ABCA9: variants seen among roughly 807,000 people sequenced by gnomAD.
ABCA9 encodes the protein ATP-binding cassette sub-family A member 9.
A neutral mutation model predicts 205.3 loss-of-function variants in ABCA9; 183 were observed. The observed-to-expected ratio is 0.89, with a 90% CI of 0.79 to 1.01. The LOEUF (loss-of-function observed/expected upper bound fraction) is 1.01, where lower values mean the gene tolerates loss of function less well. Among genes scored for constraint, ABCA9 ranks in the 50% least tolerant of loss-of-function variants. ABCA9 has a pLI of 0.00. For missense variants in ABCA9, 1,805 were observed against 1,912.4 expected (o/e 0.94, Z 1.05); for synonymous variants, 651 against 683.3 (o/e 0.95, Z 0.74).
At chr17:69,021,916 A>G in intron 17 of ABCA9, 55 bp from the exon 18 acceptor site, 2 of 1,269,214 alleles carry the variant, frequency 1.6e-6, no homozygotes. Flanking sequence ...TGAGAACCAT[A>G]TTTCTCAAAA....
At chr17:69,011,377 AT>A (rs1256139132) in intron 23 of ABCA9, among the ~76,000 whole-genome samples, 4 of 152,196 alleles carry the variant, frequency 2.6e-5, no homozygotes, top group Non-Finnish European at 2.9e-5. Context: ...TGTGTTTCTT[AT>A]GGGAGAAGTC....
At chr17:69,059,668 C>A (rs1020898673) in intron 1 of ABCA9, among the ~76,000 whole-genome samples, 20 of 106,866 alleles carry the variant, frequency 1.9e-4, no homozygotes, top group Admixed American at 1.3e-3. Flanking sequence ...AGTTTGTGGT[C>A]ATTTTTTTTT....
At chr17:68,980,928 TA>T (rs57616315) in intron 37 of ABCA9, among the ~76,000 whole-genome samples, 9,996 of 126,094 alleles carry the variant, frequency 0.079, 895 homozygotes, top group African/African-American at 0.23. Context: ...ATAAAAAAAC[TA>T]AAAAAAAAAA....
the ABCA9 span, among the ~76,000 whole-genome samples, chr17:69,071,931 G>A: frequency 6.6e-6 from 1 of 152,152 alleles, no homozygotes; most frequent in Non-Finnish European, 1.5e-5. Context: ...AACACAGCAC[G>A]AGAACTTTGT....
intron 19 of ABCA9, among the ~76,000 whole-genome samples, chr17:69,019,640 C>T (rs1174179787): frequency 6.6e-6 from 1 of 152,130 alleles, no homozygotes; most frequent in Non-Finnish European, 1.5e-5. Context: ...ATGTTATAAT[C>T]ACTTAATAAT....
intron 25 of ABCA9, 63 bp downstream of exon 25, chr17:69,007,696 G>A: frequency 9.1e-7 from 1 of 1,098,016 alleles, no homozygotes. Flanking sequence ...TTAGCACAAA[G>A]ATTAAACATG....
chr17:69,061,241 T>A (rs1238228201), upstream of ABCA9: 1 of 767,610 alleles, frequency 1.3e-6, no homozygotes, highest in Non-Finnish European at 1.6e-6. Flanking sequence ...AATGGGAGAG[T>A]TGACCCCAAC....
chr17:69,033,554 G>A (rs967498725), intron 9 of ABCA9, 172 bp downstream of exon 9: 5 of 511,772 alleles, frequency 9.8e-6, no homozygotes, highest in South Asian at 3.2e-5. Context: ...GAGTGTTATA[G>A]CAGAGCCAAG....
intron 25 of ABCA9, among the ~76,000 whole-genome samples, chr17:68,998,851 G>C (rs2069728231): frequency 6.6e-6 from 1 of 151,110 alleles, no homozygotes; most frequent in Non-Finnish European, 1.5e-5. Flanking sequence ...TTGTATTCAA[G>C]ATGTTTTATC....
chr17:68,980,415 C>A (rs893512645), intron 37 of ABCA9, among the ~76,000 whole-genome samples: 1 of 151,930 alleles, frequency 6.6e-6, no homozygotes, highest in African/African-American at 2.4e-5. Flanking sequence ...TACCATTTGA[C>A]CCAGCAATCT....
At chr17:69,037,849 G>C (rs1006041446) in intron 6 of ABCA9, among the ~76,000 whole-genome samples, 1 of 151,222 alleles carries the variant, frequency 6.6e-6, no homozygotes, top group Non-Finnish European at 1.5e-5. Context: ...AAAGAGAGAA[G>C]AATCAAATAG....
Position 68,989,903 on chromosome 17 carries a change from G to A in ABCA9, c.3865C>T (p.Arg1289Trp), listed in dbSNP as rs370277695. The change falls in exon 30 of 39, where the codon CGG becomes TGG. Residue 1289 changes from arginine to tryptophan, a missense_variant. By Grantham distance (101) the Arg-to-Trp change is moderately radical. Coordinates refer to ENST00000340001, the MANE Select transcript of ABCA9 (RefSeq NM_080283.4). ...ETPVIIASCLRKEYAGKKKNC... is the reference protein window; with the variant it reads ...ETPVIIASCLWKEYAGKKKNC... ...TTCTTTTTGCCTGCATATTCCTTCC[G>A]TAGACAGCTGGCAATGATGACGGGT... 48 of 1,610,940 alleles carry A rather than the reference G, an allele frequency of 3.0e-5. No homozygotes were observed. Among genetic ancestry groups the A allele is most frequent in the South Asian group, 1.2e-4 (11 of 90,484 alleles).
At chr17:69,053,278 A>T (rs972655984) in intron 1 of ABCA9, among the ~76,000 whole-genome samples, 1 of 152,148 alleles carries the variant, frequency 6.6e-6, no homozygotes, top group Non-Finnish European at 1.5e-5. Flanking sequence ...ATATCTCATT[A>T]ACACGAAGAT....
chr17:69,035,234 C>A lies in ABCA9; in HGVS notation c.1128+12G>T. The A allele has an allele frequency of 6.5e-7, 1 of 1,533,690 alleles. No homozygotes were observed. The highest frequency in any genetic ancestry group is 8.7e-7 in the Non-Finnish European group (1 of 1,143,634). ...GGTTTGTAAAAAGTGAAAGTGTTAC[C>A]TTAACTCTTACCTGGGCCATCCCAA... On this transcript the variant is annotated intron_variant, in intron 8 of 38. Coordinates refer to ENST00000340001, the MANE Select transcript of ABCA9 (RefSeq NM_080283.4).
intron 31 of ABCA9, chr17:68,986,606 C>CATG: frequency 3.4e-6 from 1 of 294,724 alleles, no homozygotes; most frequent in Non-Finnish European, 6.2e-6. Flanking sequence ...TGGCTTCATT[C>CATG]ATTGATCCAA....
intron 27 of ABCA9, 41 bp downstream of exon 27, chr17:68,992,975 G>A: frequency 6.8e-7 from 1 of 1,477,536 alleles, no homozygotes; most frequent in Admixed American, 1.7e-5. Flanking sequence ...CAAAAGTTGT[G>A]TTCCCTCATG....
intron 1 of ABCA9, among the ~76,000 whole-genome samples, chr17:69,057,046 G>C (rs1299547013): frequency 6.6e-6 from 1 of 152,106 alleles, no homozygotes; most frequent in Non-Finnish European, 1.5e-5. Flanking sequence ...GAATAGGTTT[G>C]GTGTATTATA....
chr17:69,043,668 A>G lies in ABCA9; in HGVS notation c.621T>C (p.Gly207=). ...SVMEQLMSVT[G]VHMKILPFVA... Reference sequence around the variant, plus strand: ...CAAAAGGTAATATCTTCATATGTACACCAGTAACTGACATCAGCTGTTCCA... The same window carrying G: ...CAAAAGGTAATATCTTCATATGTACGCCAGTAACTGACATCAGCTGTTCCA... The change falls in exon 6 of 39, where the codon GGT becomes GGC. Residue 207 remains glycine, a synonymous_variant. Transcript: ENST00000340001. 2 of 1,612,402 alleles carry G rather than the reference A, an allele frequency of 1.2e-6. No individual in the cohort carries two copies. The highest frequency in any genetic ancestry group is 1.7e-6 in the Non-Finnish European group (2 of 1,179,512).
At chr17:69,065,860 C>G (rs1050656683), upstream of ABCA9, among the ~76,000 whole-genome samples, 2 of 152,056 alleles carry the variant, frequency 1.3e-5, no homozygotes, top group Non-Finnish European at 2.9e-5. Context: ...TCAGGCTGTT[C>G]TTGTGATAGA....
Sources: gnomAD v4.1 joint callset for allele counts (sites outside exome capture counted in the v4.1 genomes callset) on GRCh38, gnomAD v4.1.1 for gene constraint, MANE v1.5 for transcripts, NCBI Gene and HGNC (gene_info 2026-07-23, HGNC 2026-07-21) for gene names.